Variants in INPP4B observed in about 807,000 individuals in gnomAD.
INPP4B encodes inositol polyphosphate-4-phosphatase type II B, also known as inositol polyphosphate 4-phosphatase type II.
In INPP4B, 55 loss-of-function variants were observed where a neutral mutation model predicts 122.5. The observed-to-expected ratio is 0.45, with a 90% CI of 0.36 to 0.56. The LOEUF is 0.56. INPP4B is among the 20% of genes least tolerant of loss of function. The pLI, the probability that INPP4B is intolerant of heterozygous loss-of-function variation, is 0.00. For missense variants in INPP4B, 1,000 were observed against 1,097.7 expected, an observed-to-expected ratio of 0.91 and a Z score of 1.26; for synonymous variants, 403 against 388.7, an observed-to-expected ratio of 1.04 and a Z score of -0.43.
chr4:142,445,332 G>T (rs1389606291), intron 3 of INPP4B, among the ~76,000 whole-genome samples: 2 of 151,954 alleles, frequency 1.3e-5, no homozygotes, highest in South Asian at 4.1e-4. Context: ...AAATAGAAAA[G>T]AATAATTATT....
intron 19 of INPP4B, among the ~76,000 whole-genome samples, chr4:142,124,153 G>C (rs368687737): frequency 3.3e-5 from 5 of 152,088 alleles, no homozygotes; most frequent in Admixed American, 3.3e-4. Flanking sequence ...CAAAATAAGA[G>C]ATAATTGTGA....
At chr4:142,306,229 G>GTTTTT (rs5862582) in intron 8 of INPP4B, among the ~76,000 whole-genome samples, 5 of 135,904 alleles carry the variant, frequency 3.7e-5, no homozygotes, top group Non-Finnish European at 6.4e-5. Flanking sequence ...ACTCCAAATT[G>GTTTTT]TTTTTTTTTT....
intron 1 of INPP4B, among the ~76,000 whole-genome samples, chr4:142,785,607 A>T (rs1775655216): frequency 6.6e-6 from 1 of 152,060 alleles, no homozygotes; most frequent in East Asian, 1.9e-4. Flanking sequence ...TTGAAGATAT[A>T]ATAATAGCAA....
At chr4:142,643,198 A>T (rs1014626257) in intron 2 of INPP4B, among the ~76,000 whole-genome samples, 1 of 152,188 alleles carries the variant, frequency 6.6e-6, no homozygotes, top group Non-Finnish European at 1.5e-5. Flanking sequence ...TAAATATACA[A>T]TCATGCCATC....
intron 2 of INPP4B, among the ~76,000 whole-genome samples, chr4:142,619,870 C>G (rs1437303966): frequency 6.6e-6 from 1 of 151,908 alleles, no homozygotes; most frequent in Non-Finnish European, 1.5e-5. Flanking sequence ...GTTTATTTTG[C>G]CACAAAGTAA....
At chr4:142,648,910 C>A (rs1418530872) in intron 2 of INPP4B, among the ~76,000 whole-genome samples, 1 of 152,220 alleles carries the variant, frequency 6.6e-6, no homozygotes, top group Non-Finnish European at 1.5e-5. Context: ...GTTCCTGACA[C>A]CTGTGTAGCC....
At chr4:142,691,451 T>C (rs1050256007) in intron 2 of INPP4B, among the ~76,000 whole-genome samples, 2 of 152,022 alleles carry the variant, frequency 1.3e-5, no homozygotes, top group African/African-American at 4.8e-5. Context: ...CTTGTACCTT[T>C]AGAAGGTCAA....
In INPP4B at chr4:142,429,481, T is replaced by C. The variant is rs534505869; in HGVS notation, c.92-264A>G. Among the ~76,000 whole-genome samples the C allele has an allele frequency of 2.2e-3, 333 of 152,168 alleles. 1 individual carries two copies. The highest frequency in any genetic ancestry group is 7.4e-3 in the African/African-American group (309 of 41,554). ...AACCAAGAAATGTTTTTGTAAGCCA[T>C]GGCAAACATAAAACATATTTCACAA... On this transcript the variant is annotated intron_variant, in intron 4 of 25. Transcript: ENST00000262992.
At chr4:142,712,082 A>G (rs1041319045) in intron 2 of INPP4B, among the ~76,000 whole-genome samples, 1 of 152,152 alleles carries the variant, frequency 6.6e-6, no homozygotes, top group South Asian at 2.1e-4. Context: ...AAAGAGATCC[A>G]AAAGAGATGC....
rs376136885 is a variant in INPP4B, at chr4:142,316,206, A to G, written c.373-1444T>C. On this transcript the variant is annotated intron_variant, in intron 7 of 25. Transcript: ENST00000262992. Reference sequence around the variant, plus strand: ...AAAATAAATGACATGAGAGATCCCAATGGAGTAAACACAATTTGTAGAACA... The same window carrying G: ...AAAATAAATGACATGAGAGATCCCAGTGGAGTAAACACAATTTGTAGAACA... Among the ~76,000 whole-genome samples, 9 of 152,326 alleles carry G rather than the reference A, an allele frequency of 5.9e-5. No individual in the cohort carries two copies. The East Asian group carries it at 1.2e-3, about 20-fold the overall frequency.
intron 23 of INPP4B, among the ~76,000 whole-genome samples, chr4:142,106,905 T>A (rs1311043497): frequency 6.6e-6 from 1 of 152,082 alleles, no homozygotes; most frequent in Non-Finnish European, 1.5e-5. Flanking sequence ...ATTCTGAGAC[T>A]TTTTTTCCAA....
At chr4:142,350,069 T>C (rs1046789296) in intron 7 of INPP4B, among the ~76,000 whole-genome samples, 14 of 151,970 alleles carry the variant, frequency 9.2e-5, no homozygotes, top group African/African-American at 3.1e-4. Flanking sequence ...TCTTCGGCGC[T>C]TAGAATGCAA....
At chr4:142,690,965 C>T (rs1032326252) in intron 2 of INPP4B, among the ~76,000 whole-genome samples, 8 of 152,116 alleles carry the variant, frequency 5.3e-5, no homozygotes, top group African/African-American at 1.9e-4. Context: ...TTTCACACTG[C>T]TATTTCAAGT....
intron 2 of INPP4B, among the ~76,000 whole-genome samples, chr4:142,628,050 C>G (rs1746920757): frequency 6.6e-6 from 1 of 151,992 alleles, no homozygotes; most frequent in Non-Finnish European, 1.5e-5. Context: ...ACCCAGCCAT[C>G]CCATTACTGG....
intron 24 of INPP4B, 128 bp downstream of exon 24, chr4:142,086,016 C>A (rs2292392): frequency 0.25 from 166,901 of 674,678 alleles, 21,128 homozygotes; most frequent in East Asian, 0.29. Context: ...AATGCCTAAT[C>A]CATGGACTAA....
chr4:142,231,589 G>T (rs888091216), intron 12 of INPP4B, among the ~76,000 whole-genome samples: 1 of 151,782 alleles, frequency 6.6e-6, no homozygotes, highest in Non-Finnish European at 1.5e-5. Context: ...CTATTCCTTT[G>T]CTATTTTCCT....
chr4:142,456,719 C>T (rs1026345550), intron 3 of INPP4B, among the ~76,000 whole-genome samples: 25 of 152,078 alleles, frequency 1.6e-4, no homozygotes, highest in Admixed American at 2.6e-4. Context: ...AGAGATACTG[C>T]GCTCATGGAT....
rs1362566646 is a variant in INPP4B, at chr4:142,231,480, C to T, written c.836+6384G>A. 3.9e-5 allele frequency among the ~76,000 whole-genome samples: 6 copies of T among 152,196 alleles called. No individual in the cohort carries two copies. In the Middle Eastern group the frequency reaches 0.01, roughly 259 times the overall value. ...AATGTTATGAGTGGGATTTCATTCT[C>T]GCTGATTTAAAAAAATTATGAAACC... is the stretch of plus-strand genomic sequence containing the variant. On this transcript the variant is annotated intron_variant, in intron 12 of 25. Coordinates refer to ENST00000262992, the MANE Select transcript of INPP4B (RefSeq NM_001101669.3).
At chr4:142,281,254 C>CGATAGA (rs1751068219) in intron 9 of INPP4B, among the ~76,000 whole-genome samples, 1 of 151,606 alleles carries the variant, frequency 6.6e-6, no homozygotes, top group African/African-American at 2.4e-5. Flanking sequence ...CTGGGAATAC[C>CGATAGA]TGACTTCCTG....
Sources: allele counts gnomAD v4.1 joint callset (sites outside exome capture counted in the v4.1 genomes callset), GRCh38; gene constraint gnomAD v4.1.1; transcripts MANE v1.5; gene names NCBI Gene and HGNC (gene_info 2026-07-23, HGNC 2026-07-21).